Variants in COP1 observed in about 807,000 individuals in gnomAD.
COP1 encodes E3 ubiquitin-protein ligase COP1.
A neutral mutation model predicts 101.3 loss-of-function variants in COP1; 24 were observed. That is an observed-to-expected ratio of 0.24 (90% CI 0.17 to 0.33). COP1 has a LOEUF of 0.33. COP1 is among the 10% of genes least tolerant of loss of function. The probability of loss-of-function intolerance (pLI) is 1.00; values close to 1 mark genes in which losing one functional copy is unlikely to be tolerated. For missense variants in COP1, 663 were observed against 906.2 expected (o/e 0.73, Z 3.45); for synonymous variants, 347 against 341.9 (o/e 1.01, Z -0.17).
intron 2 of COP1, 28 bp downstream of exon 2, chr1:176,184,605 A>T: frequency 1.3e-6 from 2 of 1,539,444 alleles, no homozygotes; most frequent in Non-Finnish European, 1.8e-6. Context: ...ATGTTAAAAG[A>T]TTATTTTACT....
At chr1:176,069,435 A>C (rs1676586808) in intron 11 of COP1, among the ~76,000 whole-genome samples, 1 of 152,206 alleles carries the variant, frequency 6.6e-6, no homozygotes. Flanking sequence ...TATTTTATTG[A>C]CTTGCCACAA....
chr1:176,140,638 G>A (rs531521533), intron 6 of COP1, among the ~76,000 whole-genome samples: 123 of 152,242 alleles, frequency 8.1e-4, no homozygotes, highest in African/African-American at 2.9e-3. Context: ...ATAACCCCGG[G>A]AAGGAGAACT....
intron 15 of COP1, among the ~76,000 whole-genome samples, chr1:176,007,826 A>C (rs1314468811): frequency 1.3e-5 from 2 of 152,172 alleles, no homozygotes; most frequent in Non-Finnish European, 2.9e-5. Flanking sequence ...CCAGAGGTGG[A>C]GCCTACAGAG....
chr1:176,039,996 G>T (rs1004992332), intron 14 of COP1, among the ~76,000 whole-genome samples: 2 of 152,020 alleles, frequency 1.3e-5, no homozygotes, highest in Admixed American at 1.3e-4. Flanking sequence ...ACTCTTAGAA[G>T]AAAACTTACG....
intron 14 of COP1, among the ~76,000 whole-genome samples, chr1:176,037,385 C>A (rs374344855): frequency 2.1e-5 from 3 of 145,328 alleles, no homozygotes; most frequent in Non-Finnish European, 4.5e-5. Flanking sequence ...CCAGCCTGGG[C>A]GACAGAGCAA....
At chr1:176,029,922 C>A (rs1320302425) in intron 14 of COP1, among the ~76,000 whole-genome samples, 1 of 152,058 alleles carries the variant, frequency 6.6e-6, no homozygotes, top group Non-Finnish European at 1.5e-5. Flanking sequence ...AACTAAGACC[C>A]TCAATATTAA....
chr1:175,976,270 C>CTTTTTT lies in COP1; in HGVS notation c.2133+10667_2133+10672dup, dbSNP rs10694480. ...TAAGTCTCTATATCAATTAGTCATT[C>CTTTTTT]TTTTTTTTTTTTTTTTTTTTTTTTT... On this transcript the variant is annotated intron_variant, in intron 18 of 19. Transcript: ENST00000367669. 3.2e-3 allele frequency among the ~76,000 whole-genome samples: 181 copies of CTTTTTT among 56,852 alleles called. 34 individuals carry two copies. The highest frequency in any genetic ancestry group is 0.011 in the African/African-American group (150 of 13,516). The allele number at this position is 56,852 out of a possible 152,430, so 37.3% of individuals were successfully genotyped here.
intron 1 of COP1, among the ~76,000 whole-genome samples, chr1:176,202,079 A>G (rs963795338): frequency 1.3e-5 from 2 of 152,170 alleles, no homozygotes; most frequent in Non-Finnish European, 2.9e-5. Context: ...AGTGACTTTA[A>G]AAAAAATTTT....
Position 176,149,035 on chromosome 1 carries a change from G to A in COP1, c.802C>T (p.Leu268Phe), listed in dbSNP as rs1692008034. 1.3e-6 allele frequency: 2 copies of A among 1,586,852 alleles called. No individual in the cohort carries two copies. Among genetic ancestry groups the A allele is most frequent in the African/African-American group, 1.3e-5 (1 of 74,186 alleles). ...AAQLQILMEF[L>F]KVARRNKREQ... The stretch of plus-strand genomic sequence containing the variant: ...CTCTTATTTCTTCTTGCAACCTTGA[G>A]GAATTCCATAAGAATCTGTAGTTGG... The change falls in exon 6 of 20, where the codon CTC (leucine) becomes TTC (phenylalanine). Residue 268 changes from leucine to phenylalanine, a missense_variant. Leu to Phe is a conservative substitution (Grantham distance 22). Transcript: ENST00000367669.
chr1:175,972,963 G>C (rs1653640436), intron 18 of COP1, among the ~76,000 whole-genome samples: 1 of 151,998 alleles, frequency 6.6e-6, no homozygotes. Flanking sequence ...CTCCCGAGTA[G>C]CTGAGATTAC....
intron 6 of COP1, among the ~76,000 whole-genome samples, chr1:176,148,496 A>G (rs74127189): frequency 0.059 from 8,978 of 152,170 alleles, 590 homozygotes; most frequent in African/African-American, 0.16. Context: ...GAAATGACTG[A>G]GAAATTTTAT....
chr1:176,141,610 A>T (rs1690696535), intron 6 of COP1, among the ~76,000 whole-genome samples: 1 of 152,172 alleles, frequency 6.6e-6, no homozygotes, highest in African/African-American at 2.4e-5. Flanking sequence ...ACACTACAGC[A>T]AGCCAAAACC....
chr1:176,059,880 T>C (rs1674542706), intron 11 of COP1, among the ~76,000 whole-genome samples: 1 of 152,242 alleles, frequency 6.6e-6, no homozygotes, highest in Non-Finnish European at 1.5e-5. Flanking sequence ...CCTTTGTATT[T>C]TTTTTCAACC....
intron 15 of COP1, among the ~76,000 whole-genome samples, chr1:176,014,382 A>G (rs1288748914): frequency 6.6e-6 from 1 of 152,204 alleles, no homozygotes; most frequent in African/African-American, 2.4e-5. Flanking sequence ...TTTCAACAGC[A>G]CAAGTTATGC....
chr1:176,046,042 T>G (rs1326676805), intron 12 of COP1, 139 bp downstream of exon 12: 2 of 580,846 alleles, frequency 3.4e-6, no homozygotes, highest in Non-Finnish European at 5.7e-6. Context: ...AGTAATAATA[T>G]ATACTCTGTA....
intron 9 of COP1, among the ~76,000 whole-genome samples, chr1:176,115,702 T>C (rs1170496358): frequency 6.7e-6 from 1 of 148,280 alleles, no homozygotes; most frequent in Admixed American, 6.7e-5. Context: ...GCCGAGATCG[T>C]ACCACTGCAC....
At chr1:175,966,963 T>A (rs192567915) in intron 18 of COP1, among the ~76,000 whole-genome samples, 1 of 152,206 alleles carries the variant, frequency 6.6e-6, no homozygotes, top group Non-Finnish European at 1.5e-5. Context: ...ATCTGGGGAA[T>A]TGGGATTTCT....
intron 8 of COP1, among the ~76,000 whole-genome samples, chr1:176,130,171 A>C (rs1688661184): frequency 6.6e-6 from 1 of 151,780 alleles, no homozygotes; most frequent in Non-Finnish European, 1.5e-5. Flanking sequence ...TGCCAGGAAG[A>C]GAACCTAACA....
intron 15 of COP1, among the ~76,000 whole-genome samples, chr1:175,990,895 G>A (rs1658260909): frequency 6.6e-6 from 1 of 150,592 alleles, no homozygotes. Flanking sequence ...ACAGCATAAA[G>A]CTGGATTCTA....
Sources: allele counts gnomAD v4.1 joint callset (sites outside exome capture counted in the v4.1 genomes callset), GRCh38; gene constraint gnomAD v4.1.1; transcripts MANE v1.5; gene names NCBI Gene and HGNC (gene_info 2026-07-23, HGNC 2026-07-21).